Variants in HTR2C observed in about 807,000 individuals in gnomAD.
HTR2C encodes 5-hydroxytryptamine receptor 2C.
Under a neutral mutation model 21.0 loss-of-function variants are expected in HTR2C, and 5 were observed. The ratio of observed to expected loss-of-function variants is 0.24; its 90% CI spans 0.12 to 0.50. HTR2C has a LOEUF of 0.50. Ranked by LOEUF, HTR2C falls within the 20% of genes least tolerant of loss-of-function variation. The probability of loss-of-function intolerance (pLI) is 0.98; values close to 1 mark genes in which losing one functional copy is unlikely to be tolerated. For missense variants in HTR2C, 271 were observed against 371.2 expected (o/e 0.73, Z 2.22); for synonymous variants, 150 against 145.3 (o/e 1.03, Z -0.23).
rs2070541139 is a variant in HTR2C at position 114,812,438 on chromosome X, G to A, written c.350-35565G>A. On this transcript the variant is annotated intron_variant, in intron 4 of 5. Coordinates refer to ENST00000276198, the MANE Select transcript of HTR2C (RefSeq NM_000868.4). ...GAATGTTTAAGCAGAATAATGAAAAGGCTATCTTGGGCCGGGCTCGGTGGC... is the reference window on the plus strand; with the variant it reads ...GAATGTTTAAGCAGAATAATGAAAAAGCTATCTTGGGCCGGGCTCGGTGGC... Among the ~76,000 whole-genome samples, 4 of 110,721 alleles carry A rather than the reference G, an allele frequency of 3.6e-5. No homozygotes were observed. The South Asian group carries it at 1.6e-3, about 44-fold the overall frequency.
intron 5 of HTR2C, among the ~76,000 whole-genome samples, chrX:114,853,591 A>T (rs2147494338): frequency 8.9e-6 from 1 of 112,015 alleles, no homozygotes; most frequent in East Asian, 2.8e-4. Flanking sequence ...CTATTTATTT[A>T]AAAAGTCCAT....
At chrX:114,700,825 C>A (rs1033084247) in intron 2 of HTR2C, among the ~76,000 whole-genome samples, 1 of 112,389 alleles carries the variant, frequency 8.9e-6, no homozygotes, top group Non-Finnish European at 1.9e-5. Flanking sequence ...GGGTGACAGA[C>A]GGCACCTGGA....
intron 4 of HTR2C, among the ~76,000 whole-genome samples, chrX:114,752,695 A>G (rs1424170557): frequency 9.1e-6 from 1 of 109,749 alleles, no homozygotes; most frequent in Admixed American, 9.9e-5. Flanking sequence ...ATATCACCCT[A>G]TTTCTCTCCC....
At chrX:114,704,328 G>A (rs781883878) in intron 2 of HTR2C, among the ~76,000 whole-genome samples, 156 of 111,226 alleles carry the variant, frequency 1.4e-3, no homozygotes, top group African/African-American at 4.6e-3. Context: ...CTGGCAAACT[G>A]AATCCAGCAG....
At chrX:114,693,433 T>C (rs190699294) in intron 2 of HTR2C, among the ~76,000 whole-genome samples, 1 of 111,796 alleles carries the variant, frequency 8.9e-6, no homozygotes, top group African/African-American at 3.2e-5. Flanking sequence ...ACTTACATAA[T>C]TGGATATAGA....
At chrX:114,663,212 A>G (rs1389139229) in intron 2 of HTR2C, among the ~76,000 whole-genome samples, 2 of 110,662 alleles carry the variant, frequency 1.8e-5, no homozygotes, top group African/African-American at 6.6e-5. Flanking sequence ...ATTCTTAATC[A>G]GTAGTCAACA....
At chrX:114,674,611 TG>T (rs1307561933) in intron 2 of HTR2C, among the ~76,000 whole-genome samples, 67 of 111,667 alleles carry the variant, frequency 6.0e-4, no homozygotes, top group Non-Finnish European at 1.5e-4. Context: ...GGCCAATCAA[TG>T]CCCTTAAGTC....
intron 4 of HTR2C, among the ~76,000 whole-genome samples, chrX:114,802,523 A>G (rs963003129): frequency 9.0e-6 from 1 of 110,748 alleles, no homozygotes; most frequent in Non-Finnish European, 1.9e-5. Flanking sequence ...CAGTATTTCC[A>G]GAGAGCTAAA....
At chrX:114,781,164 G>A (rs1055183760) in intron 4 of HTR2C, among the ~76,000 whole-genome samples, 4 of 110,980 alleles carry the variant, frequency 3.6e-5, no homozygotes, top group South Asian at 3.8e-4. Context: ...AAGAGAGGGA[G>A]ATGTTGAAAA....
chrX:114,791,362 C>T (rs1301439375), intron 4 of HTR2C, among the ~76,000 whole-genome samples: 1 of 111,933 alleles, frequency 8.9e-6, no homozygotes, highest in Non-Finnish European at 1.9e-5. Flanking sequence ...ATTGACAAAG[C>T]AGTCTATGCA....
chrX:114,762,602 G>A (rs1245890787), intron 4 of HTR2C, among the ~76,000 whole-genome samples: 4 of 111,791 alleles, frequency 3.6e-5, no homozygotes, highest in African/African-American at 1.3e-4. Context: ...TTAAGCCCTA[G>A]GGTATTGGAA....
chrX:114,785,894 A>C (rs2070170096), intron 4 of HTR2C, among the ~76,000 whole-genome samples: 1 of 112,381 alleles, frequency 8.9e-6, no homozygotes, highest in African/African-American at 3.2e-5. Context: ...GGGTCAAAAA[A>C]CAAGCCACAG....
At chrX:114,635,788 T>C in intron 2 of HTR2C, among the ~76,000 whole-genome samples, 1 of 111,932 alleles carries the variant, frequency 8.9e-6, no homozygotes, top group African/African-American at 3.2e-5. Context: ...CGTGCTTCTA[T>C]GTCAAAGAAG....
At chrX:114,729,818 A>T (rs1448553167) in intron 3 of HTR2C, among the ~76,000 whole-genome samples, 1 of 111,358 alleles carries the variant, frequency 9.0e-6, no homozygotes, top group Non-Finnish European at 1.9e-5. Flanking sequence ...TATGGAGAAC[A>T]CATAGACTCT....
chrX:114,687,755 A>G (rs1931964782), intron 2 of HTR2C, among the ~76,000 whole-genome samples: 1 of 111,639 alleles, frequency 9.0e-6, no homozygotes, highest in African/African-American at 3.3e-5. Context: ...CTCTTAACCA[A>G]CGGTCTCTTA....
intron 4 of HTR2C, among the ~76,000 whole-genome samples, chrX:114,799,011 A>G (rs1233083527): frequency 9.1e-6 from 1 of 110,264 alleles, no homozygotes; most frequent in Non-Finnish European, 1.9e-5. Flanking sequence ...ACACAGAACC[A>G]TAACACATGA....
At chrX:114,802,688 T>TTCTTTCTA (rs2070358595) in intron 4 of HTR2C, among the ~76,000 whole-genome samples, 1 of 67,133 alleles carries the variant, frequency 1.5e-5, no homozygotes, top group African/African-American at 6.6e-5. Flanking sequence ...CTTAGATTCT[T>TTCTTTCTA]TCTTTCTTTC....
At chrX:114,793,698 G>GA (rs782158868) in intron 4 of HTR2C, among the ~76,000 whole-genome samples, 17 of 109,558 alleles carry the variant, frequency 1.6e-4, no homozygotes, top group African/African-American at 5.6e-4. Flanking sequence ...CATAAACACA[G>GA]AAAAATCAGT....
At position 114,731,562 on chromosome X, in the gene HTR2C, G is replaced by A. The variant is rs1183764500; in HGVS notation, c.304G>A (p.Val102Met). The change falls in exon 4 of 6, where the codon GTG becomes ATG. Residue 102 changes from valine (V) to methionine (M), a missense_variant. Physicochemically the swap from Val to Met is conservative, Grantham distance 21. Coordinates refer to ENST00000276198, the MANE Select transcript of HTR2C (RefSeq NM_000868.4). ...GTCCCTAGCCATTGCTGATATGCTA[G>A]TGGGACTACTTGTCATGCCCCTGTC... is the stretch of plus-strand genomic sequence containing the variant. ...LMSLAIADMLVGLLVMPLSLL... is the reference protein window; with the variant it reads ...LMSLAIADMLMGLLVMPLSLL... The A allele has an allele frequency of 1.7e-6, 2 of 1,205,517 alleles. No homozygotes were observed. Among genetic ancestry groups the A allele is most frequent in the Non-Finnish European group, 2.2e-6 (2 of 892,049 alleles).
Sources: allele counts gnomAD v4.1 joint callset (sites outside exome capture counted in the v4.1 genomes callset), GRCh38; gene constraint gnomAD v4.1.1; transcripts MANE v1.5; gene names NCBI Gene and HGNC (gene_info 2026-07-23, HGNC 2026-07-21).